DLGAP2: variants seen among roughly 807,000 people sequenced by gnomAD.
DLGAP2 encodes disks large-associated protein 2.
A neutral mutation model predicts 100.3 loss-of-function variants in DLGAP2; 26 were observed. That is an observed-to-expected ratio of 0.26 (90% CI 0.19 to 0.36). The LOEUF (loss-of-function observed/expected upper bound fraction) is 0.36, where lower values mean the gene tolerates loss of function less well. Ranked by LOEUF, DLGAP2 falls within the 10% of genes least tolerant of loss-of-function variation. The pLI, the probability that DLGAP2 is intolerant of heterozygous loss-of-function variation, is 1.00. For missense variants in DLGAP2, 1,858 were observed against 1,453.2 expected, an observed-to-expected ratio of 1.28 and a Z score of -4.53; for synonymous variants, 886 against 630.1, an observed-to-expected ratio of 1.41 and a Z score of -6.08.
At chr8:1,375,215 C>A (rs1202059062) in intron 3 of DLGAP2, among the ~76,000 whole-genome samples, 6 of 84,452 alleles carry the variant, frequency 7.1e-5, no homozygotes, top group Non-Finnish European at 1.2e-4. Flanking sequence ...GATCCCCCAC[C>A]TCCTACATTT....
At chr8:1,095,489 A>T (rs1205349858) in intron 2 of DLGAP2, among the ~76,000 whole-genome samples, 1 of 152,138 alleles carries the variant, frequency 6.6e-6, no homozygotes, top group African/African-American at 2.4e-5. Flanking sequence ...GGGTGAAGTG[A>T]TTCAGAGTCT....
At chr8:1,175,463 T>C (rs566912313) in intron 2 of DLGAP2, among the ~76,000 whole-genome samples, 2 of 152,368 alleles carry the variant, frequency 1.3e-5, no homozygotes, top group African/African-American at 2.4e-5. Flanking sequence ...TATAAAAGCA[T>C]AATTTGATCA....
chr8:1,637,845 G>A (rs1026741097), intron 8 of DLGAP2, among the ~76,000 whole-genome samples: 17 of 152,182 alleles, frequency 1.1e-4, no homozygotes, highest in Non-Finnish European at 1.0e-4. Flanking sequence ...AGATGTGTGT[G>A]GATGGCTCTG....
chr8:1,377,567 A>C (rs892384112), intron 3 of DLGAP2, among the ~76,000 whole-genome samples: 2 of 152,076 alleles, frequency 1.3e-5, no homozygotes, highest in Non-Finnish European at 2.9e-5. Context: ...AAATAAAATA[A>C]AGATGCACAG....
chr8:1,199,348 T>C (rs148601309), intron 2 of DLGAP2, among the ~76,000 whole-genome samples: 4 of 152,352 alleles, frequency 2.6e-5, no homozygotes, highest in African/African-American at 7.2e-5. Flanking sequence ...TATTAATCTA[T>C]GTAGCAGTTT....
intron 3 of DLGAP2, among the ~76,000 whole-genome samples, chr8:1,266,507 G>A (rs546201292): frequency 5.3e-5 from 8 of 152,266 alleles, no homozygotes; most frequent in Admixed American, 5.2e-4. Context: ...GCATAAGTCA[G>A]ATCATATTAT....
intron 1 of DLGAP2, among the ~76,000 whole-genome samples, chr8:899,740 G>C (rs762542087): frequency 6.6e-6 from 1 of 152,226 alleles, no homozygotes; most frequent in Non-Finnish European, 1.5e-5. Flanking sequence ...TAGCTGGAAA[G>C]AATTAATTGA....
chr8:1,558,930 G>A (rs148027623), intron 5 of DLGAP2, among the ~76,000 whole-genome samples: 1 of 152,274 alleles, frequency 6.6e-6, no homozygotes, highest in East Asian at 1.9e-4. Context: ...TTCCCTGTGG[G>A]AACGCACAGC....
At chr8:1,026,353 C>T (rs1415896959) in intron 2 of DLGAP2, among the ~76,000 whole-genome samples, 1 of 152,158 alleles carries the variant, frequency 6.6e-6, no homozygotes, top group Non-Finnish European at 1.5e-5. Context: ...TTGCCGTTCA[C>T]ATGGAAGCTC....
intron 3 of DLGAP2, among the ~76,000 whole-genome samples, chr8:1,339,288 C>T (rs534056503): frequency 3.2e-4 from 48 of 151,312 alleles, no homozygotes; most frequent in Admixed American, 3.2e-3. Flanking sequence ...AATGCAGTGA[C>T]CTCAGTGAGG....
intron 3 of DLGAP2, among the ~76,000 whole-genome samples, chr8:1,414,983 T>G (rs1431101521): frequency 6.6e-6 from 1 of 151,968 alleles, no homozygotes; most frequent in Non-Finnish European, 1.5e-5. Context: ...CACTCGAGCC[T>G]GGGCAACAGA....
intron 2 of DLGAP2, among the ~76,000 whole-genome samples, chr8:931,506 A>T (rs2129003459): frequency 6.6e-6 from 1 of 152,282 alleles, no homozygotes; most frequent in Admixed American, 6.5e-5. Flanking sequence ...TAAGAATCCC[A>T]GGTATCTCGG....
At chr8:986,610 A>G (rs991092479) in intron 2 of DLGAP2, among the ~76,000 whole-genome samples, 1 of 152,046 alleles carries the variant, frequency 6.6e-6, no homozygotes, top group Non-Finnish European at 1.5e-5. Flanking sequence ...GGAGAAAAGG[A>G]GACTAATAAT....
At chr8:1,199,373 T>G (rs1439909608) in intron 2 of DLGAP2, among the ~76,000 whole-genome samples, 4 of 152,168 alleles carry the variant, frequency 2.6e-5, no homozygotes, top group Non-Finnish European at 5.9e-5. Flanking sequence ...TTTGCATACT[T>G]AGTAGAAAAA....
At chr8:1,176,049 C>T (rs1017456702) in intron 2 of DLGAP2, among the ~76,000 whole-genome samples, 9 of 152,292 alleles carry the variant, frequency 5.9e-5, no homozygotes, top group African/African-American at 2.2e-4. Context: ...CCCATTCATA[C>T]ACTGCATAAA....
chr8:1,433,729 C>T (rs571515616), intron 3 of DLGAP2, among the ~76,000 whole-genome samples: 2 of 127,288 alleles, frequency 1.6e-5, no homozygotes, highest in Admixed American at 9.1e-5. Flanking sequence ...ACAGATGAGG[C>T]AAAACTGGCT....
At chr8:825,439 A>C (rs944023170) in intron 1 of DLGAP2, among the ~76,000 whole-genome samples, 1 of 152,108 alleles carries the variant, frequency 6.6e-6, no homozygotes, top group African/African-American at 2.4e-5. Flanking sequence ...AGGCAGCCGC[A>C]CTTCCTTCCA....
chr8:1,100,470 A>G (rs996334480), intron 2 of DLGAP2, among the ~76,000 whole-genome samples: 5 of 152,100 alleles, frequency 3.3e-5, no homozygotes, highest in African/African-American at 1.2e-4. Flanking sequence ...TCCACAGTGT[A>G]CAATGTGTGT....
At chr8:1,542,812 C>T (rs1801407112) in intron 4 of DLGAP2, among the ~76,000 whole-genome samples, 1 of 152,128 alleles carries the variant, frequency 6.6e-6, no homozygotes, top group Non-Finnish European at 1.5e-5. Flanking sequence ...TAGGACCCTC[C>T]AGCCTGTTCT....
Sources: gnomAD v4.1 joint callset for allele counts (sites outside exome capture counted in the v4.1 genomes callset) on GRCh38, gnomAD v4.1.1 for gene constraint, MANE v1.5 for transcripts, NCBI Gene and HGNC (gene_info 2026-07-23, HGNC 2026-07-21) for gene names.